FSTL4: variants seen among roughly 807,000 people sequenced by gnomAD.
FSTL4 encodes follistatin-related protein 4.
Under a neutral mutation model 78.2 loss-of-function variants are expected in FSTL4, and 28 were observed. The ratio of observed to expected loss-of-function variants is 0.36; its 90% CI spans 0.27 to 0.49. The LOEUF (loss-of-function observed/expected upper bound fraction) is 0.49. Ranked by LOEUF, FSTL4 falls within the 20% of genes least tolerant of loss-of-function variation. FSTL4 has a pLI of 0.98. For synonymous variants in FSTL4, 422 were observed against 440.5 expected, an observed-to-expected ratio of 0.96 and a Z score of 0.53; for missense variants, 922 against 1,084.9, an observed-to-expected ratio of 0.85 and a Z score of 2.11.
intron 3 of FSTL4, among the ~76,000 whole-genome samples, chr5:133,497,055 G>A (rs1028931249): frequency 7.9e-5 from 12 of 152,156 alleles, no homozygotes; most frequent in Non-Finnish European, 1.2e-4. Context: ...CATGGGTGCC[G>A]TGCTATAAAC....
the FSTL4 span, among the ~76,000 whole-genome samples, chr5:133,765,284 T>C: frequency 6.6e-6 from 1 of 151,134 alleles, no homozygotes; most frequent in East Asian, 1.9e-4. Context: ...CCAGGAAGAG[T>C]TTTTCATAGA....
intron 6 of FSTL4, among the ~76,000 whole-genome samples, chr5:133,250,799 T>G (rs975021028): frequency 6.6e-6 from 1 of 152,242 alleles, no homozygotes; most frequent in Admixed American, 6.5e-5. Context: ...AGCAAAGCCC[T>G]CCTTCTTCCA....
chr5:133,226,223 G>T (rs921727882), intron 8 of FSTL4, among the ~76,000 whole-genome samples: 3 of 152,236 alleles, frequency 2.0e-5, no homozygotes, highest in Non-Finnish European at 4.4e-5. Flanking sequence ...TGCAGGAAAT[G>T]TATCAGAAAG....
At chr5:133,685,304 G>A in the FSTL4 span, among the ~76,000 whole-genome samples, 1 of 152,184 alleles carries the variant, frequency 6.6e-6, no homozygotes, top group African/African-American at 2.4e-5. Context: ...TTCAAGGTTT[G>A]TGCGCTTTGA....
chr5:133,507,719 C>T (rs534225072), intron 3 of FSTL4, among the ~76,000 whole-genome samples: 10 of 151,798 alleles, frequency 6.6e-5, no homozygotes, highest in South Asian at 2.1e-4. Context: ...GATGGGGTTT[C>T]GCTATGTTGG....
chr5:133,343,093 G>A (rs1014513782), intron 4 of FSTL4, among the ~76,000 whole-genome samples: 9 of 152,246 alleles, frequency 5.9e-5, no homozygotes, highest in African/African-American at 2.2e-4. Context: ...TGCTCTTGTC[G>A]CACGGGTGAT....
chr5:133,494,712 G>A (rs1758335317), intron 3 of FSTL4, among the ~76,000 whole-genome samples: 1 of 152,230 alleles, frequency 6.6e-6, no homozygotes, highest in Admixed American at 6.5e-5. Flanking sequence ...CCTTTGAAGA[G>A]TATGACCTGG....
At chr5:133,694,695 C>T in the FSTL4 span, among the ~76,000 whole-genome samples, 13 of 152,232 alleles carry the variant, frequency 8.5e-5, no homozygotes, top group African/African-American at 3.1e-4. Context: ...AACAAAAATA[C>T]CACAGACTGG....
chr5:133,342,217 C>T (rs948456645), intron 4 of FSTL4, among the ~76,000 whole-genome samples: 5 of 152,028 alleles, frequency 3.3e-5, no homozygotes, highest in Non-Finnish European at 7.4e-5. Context: ...GGGAAACAGG[C>T]GCTGGACCCC....
chr5:133,796,200 T>C, the FSTL4 span, among the ~76,000 whole-genome samples: 1 of 152,214 alleles, frequency 6.6e-6, no homozygotes, highest in South Asian at 2.1e-4. Flanking sequence ...GACAGGGGTG[T>C]AGCTCACCTG....
chr5:133,626,863 G>T, the FSTL4 span, among the ~76,000 whole-genome samples: 4 of 152,122 alleles, frequency 2.6e-5, no homozygotes, highest in South Asian at 2.1e-4. Flanking sequence ...TTCTGCTGTT[G>T]TTGGGTGGAG....
intron 3 of FSTL4, among the ~76,000 whole-genome samples, chr5:133,420,769 G>A (rs544176070): frequency 1.8e-4 from 27 of 152,350 alleles, no homozygotes; most frequent in Admixed American, 3.3e-4. Flanking sequence ...GCTGGCCCAC[G>A]GGTGCATGGC....
At chr5:133,288,957 G>T (rs1753196715) in intron 6 of FSTL4, among the ~76,000 whole-genome samples, 1 of 152,222 alleles carries the variant, frequency 6.6e-6, no homozygotes. Flanking sequence ...CCCTAGAGGT[G>T]GTGCTGTGCC....
rs567610158 is a variant in FSTL4 at position 133,519,491 on chromosome 5, C to T, written c.160+47695G>A. On this transcript the variant is annotated intron_variant, in intron 3 of 15. Coordinates refer to ENST00000265342, the MANE Select transcript of FSTL4 (RefSeq NM_015082.2). The stretch of plus-strand genomic sequence containing the variant: ...AGGCTGTCATGCCGCCAATCACCAA[C>T]GTGCACGCTTCTTTCTGTCTGCTCG... Among the ~76,000 whole-genome samples the T allele has an allele frequency of 2.6e-5, 4 of 152,322 alleles. No individual in the cohort carries two copies. In the South Asian group the frequency reaches 6.2e-4, roughly 24 times the overall value.
At chr5:133,727,154 G>A in the FSTL4 span, among the ~76,000 whole-genome samples, 2 of 152,102 alleles carry the variant, frequency 1.3e-5, no homozygotes, top group African/African-American at 4.8e-5. Flanking sequence ...ACCAATCAAT[G>A]TTCAGAAGTA....
the FSTL4 span, among the ~76,000 whole-genome samples, chr5:133,653,807 T>C: frequency 4.6e-5 from 7 of 152,202 alleles, no homozygotes; most frequent in South Asian, 2.1e-4. Context: ...AATAAACACA[T>C]GCACACACTC....
intron 2 of FSTL4, among the ~76,000 whole-genome samples, chr5:133,597,027 C>G (rs398370): frequency 0.11 from 17,476 of 152,090 alleles, 1,198 homozygotes; most frequent in African/African-American, 0.19. Context: ...CTTCCTCCCC[C>G]CAACACCAAT....
At chr5:133,798,950 A>AAGGGAGGGAGGG in the FSTL4 span, among the ~76,000 whole-genome samples, 2 of 81,608 alleles carry the variant, frequency 2.5e-5, no homozygotes, top group African/African-American at 1.5e-4. Context: ...GAGGATAAGG[A>AAGGGAGGGAGGG]AGGGAGGGAG....
the FSTL4 span, among the ~76,000 whole-genome samples, chr5:133,764,375 G>A: frequency 4.6e-5 from 7 of 152,078 alleles, no homozygotes; most frequent in Non-Finnish European, 7.4e-5. Flanking sequence ...AATACACAGC[G>A]GGCCCGTATG....
Sources: gnomAD v4.1 joint callset for allele counts (sites outside exome capture counted in the v4.1 genomes callset) on GRCh38, gnomAD v4.1.1 for gene constraint, MANE v1.5 for transcripts, NCBI Gene and HGNC (gene_info 2026-07-23, HGNC 2026-07-21) for gene names.